Variants in RAD54L2 observed in about 807,000 individuals in gnomAD.
RAD54L2 encodes the protein RAD54 like 2.
RAD54L2 carries 27 observed loss-of-function variants against 138.4 expected under a neutral mutation model. The observed-to-expected ratio is 0.20, with a 90% CI of 0.14 to 0.27. The LOEUF is 0.27. Ranked by LOEUF, RAD54L2 falls within the 10% of genes least tolerant of loss-of-function variation. The pLI, the probability that RAD54L2 is intolerant of heterozygous loss-of-function variation, is 1.00. For missense variants in RAD54L2, 1,396 were observed against 1,890.2 expected (o/e 0.74, Z 4.85); for synonymous variants, 644 against 723.2 (o/e 0.89, Z 1.76).
chr3:51,603,162 A>AG (rs1700112320), intron 3 of RAD54L2, among the ~76,000 whole-genome samples: 1 of 133,204 alleles, frequency 7.5e-6, no homozygotes, highest in Non-Finnish European at 1.6e-5. Flanking sequence ...AAAAAAAAAA[A>AG]GCCAGGCATG....
chr3:51,654,207 G>T (rs964682272), intron 19 of RAD54L2, among the ~76,000 whole-genome samples: 1 of 151,920 alleles, frequency 6.6e-6, no homozygotes, highest in Non-Finnish European at 1.5e-5. Flanking sequence ...ACCACCACGC[G>T]TGGCTAATTT....
intron 2 of RAD54L2, among the ~76,000 whole-genome samples, chr3:51,583,435 T>G (rs79947662): frequency 6.6e-6 from 1 of 151,626 alleles, no homozygotes; most frequent in Non-Finnish European, 1.5e-5. Context: ...TTTTATTTTT[T>G]TTTTTTTGAG....
intron 1 of RAD54L2, among the ~76,000 whole-genome samples, chr3:51,539,222 C>G (rs1698490095): frequency 6.6e-6 from 1 of 152,154 alleles, no homozygotes; most frequent in Non-Finnish European, 1.5e-5. Flanking sequence ...GCTTTTGGCT[C>G]TGGATGCTGG....
intron 2 of RAD54L2, among the ~76,000 whole-genome samples, chr3:51,562,102 A>C (rs1699112376): frequency 6.8e-6 from 1 of 146,416 alleles, no homozygotes; most frequent in South Asian, 2.2e-4. Context: ...GTGGTGTGAT[A>C]TTGGCTCACT....
At chr3:51,563,090 T>C (rs557601775) in intron 2 of RAD54L2, among the ~76,000 whole-genome samples, 2 of 152,160 alleles carry the variant, frequency 1.3e-5, no homozygotes, top group Non-Finnish European at 2.9e-5. Flanking sequence ...CGTGTGTATC[T>C]TTGTGTCTCC....
At chr3:51,657,776 C>G in intron 21 of RAD54L2, 107 bp downstream of exon 21, 1 of 772,128 alleles carries the variant, frequency 1.3e-6, no homozygotes, top group Non-Finnish European at 2.2e-6. Flanking sequence ...AGGAATCATC[C>G]CATTAGGATG....
At chr3:51,601,309 G>GTTTTTTTTTTTTTTTT (rs1700074810) in intron 3 of RAD54L2, among the ~76,000 whole-genome samples, 1 of 145,774 alleles carries the variant, frequency 6.9e-6, no homozygotes, top group African/African-American at 2.6e-5. Context: ...ACTGCGCCCG[G>GTTTTTTTTTTTTTTTT]CTTTTTTTTT....
At chr3:51,545,546 A>G (rs558038989) in intron 2 of RAD54L2, among the ~76,000 whole-genome samples, 1 of 151,916 alleles carries the variant, frequency 6.6e-6, no homozygotes, top group African/African-American at 2.4e-5. Flanking sequence ...ATTACTTTGA[A>G]TTAGTTTTTT....
intron 3 of RAD54L2, among the ~76,000 whole-genome samples, chr3:51,593,108 A>C (rs1255571171): frequency 6.6e-6 from 1 of 151,922 alleles, no homozygotes; most frequent in Non-Finnish European, 1.5e-5. Context: ...TTTGCTTCTT[A>C]GGGAACAGTT....
At position 51,633,726 on chromosome 3, in the gene RAD54L2, C is replaced by T; in HGVS notation, c.975C>T (p.His325=). ...VISFIDVLFR[H]TPAKTVLAIV... ...CTTTCATCGACGTCCTCTTCCGCCA[C>T]ACGCCAGCCAAAACAGTCCTTGCCA... Residue 325 remains histidine, a synonymous_variant, in exon 8 of 23, where the codon CAC becomes CAT. Coordinates refer to ENST00000684192, the MANE Select transcript of RAD54L2 (RefSeq NM_015106.4). 2 of 1,613,974 alleles carry T rather than the reference C, an allele frequency of 1.2e-6. No individual in the cohort carries two copies. Among genetic ancestry groups the T allele is most frequent in the Non-Finnish European group, 1.7e-6 (2 of 1,179,890 alleles).
chr3:51,600,653 G>A (rs879734511), intron 3 of RAD54L2, among the ~76,000 whole-genome samples: 1 of 151,990 alleles, frequency 6.6e-6, no homozygotes, highest in Non-Finnish European at 1.5e-5. Context: ...TAGATTTATT[G>A]TTTGTAATGA....
chr3:51,565,662 G>T (rs1577391764), intron 2 of RAD54L2, among the ~76,000 whole-genome samples: 1 of 152,060 alleles, frequency 6.6e-6, no homozygotes, highest in East Asian at 1.9e-4. Context: ...TAGTAGTGAT[G>T]GGGTTTCACC....
Position 51,609,406 on chromosome 3 carries a change from A to G in RAD54L2, c.140-18147A>G, listed in dbSNP as rs1700279472. Among the ~76,000 whole-genome samples the G allele has an allele frequency of 2.0e-5, 3 of 152,202 alleles. No individual in the cohort carries two copies. In the East Asian group the frequency reaches 5.8e-4, roughly 29 times the overall value. ...CTGGTAACTTGGCCCTGCCCTCCAC[A>G]GCATATGCTCTTCAACCTACTCTGT... On this transcript the variant is annotated intron_variant, in intron 3 of 22. Coordinates refer to ENST00000684192, the MANE Select transcript of RAD54L2 (RefSeq NM_015106.4).
intron 3 of RAD54L2, among the ~76,000 whole-genome samples, chr3:51,612,691 T>TAAAATA (rs1700356614): frequency 7.1e-6 from 1 of 141,802 alleles, no homozygotes; most frequent in Non-Finnish European, 1.5e-5. Flanking sequence ...GTCTTTGTTG[T>TAAAATA]AAAAAAAAAA....
chr3:51,628,126 C>G (rs552617519), intron 4 of RAD54L2, among the ~76,000 whole-genome samples: 1 of 152,086 alleles, frequency 6.6e-6, no homozygotes, highest in African/African-American at 2.4e-5. Context: ...TCTTCTTAGA[C>G]GTCAACTTCA....
In RAD54L2 at chr3:51,646,293, C is replaced by T. The variant is rs771548885; in HGVS notation, c.2838C>T (p.Phe946=). 141 of 1,584,308 alleles carry T rather than the reference C, an allele frequency of 8.9e-5. No homozygotes were observed. Among genetic ancestry groups the T allele is most frequent in the Non-Finnish European group, 1.1e-4 (124 of 1,165,620 alleles). ...KYPHLITKEP[F]EHESLLLNRK... ...TCCTCCTGTGTCCCCAGGAGCCTTT[C>T]GAGCATGAGTCATTGCTCTTGAACC... Residue 946 remains phenylalanine (F), a synonymous_variant, in exon 19 of 23, where the codon TTC becomes TTT. Transcript: ENST00000684192.
intron 2 of RAD54L2, among the ~76,000 whole-genome samples, chr3:51,542,684 C>G (rs985155397): frequency 6.6e-6 from 1 of 152,104 alleles, no homozygotes. Context: ...AGGATGGTCT[C>G]GATCTACTGA....
rs1363257093 is a variant in RAD54L2 at position 51,645,306 on chromosome 3, G to C, written c.2656+77G>C. The C allele has an allele frequency of 1.4e-6, 2 of 1,401,092 alleles. No homozygotes were observed. The highest frequency in any genetic ancestry group is 9.9e-7 in the Non-Finnish European group (1 of 1,011,574). 86.8% of individuals were successfully genotyped at this position (1,401,092 alleles called of 1,614,324 possible). The stretch of plus-strand genomic sequence containing the variant: ...TTTTAGTATCAAGGGTGGGAGAGGA[G>C]CAGGATATGGGAACACAGGCAGGCT... On this transcript the variant is annotated intron_variant, in intron 17 of 22. Transcript: ENST00000684192. The surrounding 1 kb of genome is among the most constrained non-coding windows in gnomAD (Gnocchi z 6.1).
chr3:51,576,022 A>T (rs1212698071), intron 2 of RAD54L2, among the ~76,000 whole-genome samples: 1 of 152,138 alleles, frequency 6.6e-6, no homozygotes, highest in African/African-American at 2.4e-5. Flanking sequence ...GATATGTTCC[A>T]TCAATACCTA....
Sources: allele counts gnomAD v4.1 joint callset (sites outside exome capture counted in the v4.1 genomes callset), GRCh38; gene constraint gnomAD v4.1.1; non-coding constraint Gnocchi (gnomAD v3.1); transcripts MANE v1.5; gene names NCBI Gene and HGNC (gene_info 2026-07-23, HGNC 2026-07-21).